TRAF5: variants seen among roughly 807,000 people sequenced by gnomAD.
The protein encoded by TRAF5 is TNF receptor associated factor 5.
In TRAF5, 48 loss-of-function variants were observed where a neutral mutation model predicts 64.5. The observed-to-expected ratio is 0.74, with a 90% CI of 0.59 to 0.95. The LOEUF is 0.95. Among genes scored for constraint, TRAF5 ranks in the 40% least tolerant of loss-of-function variants. TRAF5 has a pLI of 0.00. For missense variants in TRAF5, 545 were observed against 662.8 expected, an observed-to-expected ratio of 0.82 and a Z score of 1.95; for synonymous variants, 206 against 240.5, an observed-to-expected ratio of 0.86 and a Z score of 1.33.
intron 1 of TRAF5, among the ~76,000 whole-genome samples, chr1:211,350,851 A>G (rs1702763570): frequency 6.6e-6 from 1 of 152,080 alleles, no homozygotes; most frequent in Admixed American, 6.5e-5. Flanking sequence ...CTGCTGTATC[A>G]TCACATGGCA....
chr1:211,365,592 C>A, intron 8 of TRAF5, 124 bp downstream of exon 8: 2 of 764,314 alleles, frequency 2.6e-6, no homozygotes, highest in Non-Finnish European at 4.1e-6. Flanking sequence ...AGATGTTTTT[C>A]TATTAAGTGG....
At chr1:211,356,652 G>A (rs1040927824) in intron 4 of TRAF5, 184 bp downstream of exon 4, 5 of 562,196 alleles carry the variant, frequency 8.9e-6, no homozygotes, top group Non-Finnish European at 1.3e-5. Context: ...TGAGGTGTGA[G>A]TGAAGAGGTT....
intron 6 of TRAF5, 61 bp from the exon 7 acceptor site, chr1:211,361,027 G>A (rs1703161257): frequency 6.5e-7 from 1 of 1,550,130 alleles, no homozygotes; most frequent in African/African-American, 1.4e-5. Context: ...TTGGCTCCCT[G>A]ATTGCTGCAG....
At chr1:211,361,311 C>G in intron 7 of TRAF5, 149 bp downstream of exon 7, 1 of 681,016 alleles carries the variant, frequency 1.5e-6, no homozygotes, top group Non-Finnish European at 2.5e-6. Context: ...TCCAGAGAAA[C>G]AGAACCAATG....
In TRAF5 at chr1:211,369,486, A is replaced by T; in HGVS notation, c.824A>T (p.Glu275Val). The T allele has an allele frequency of 6.2e-7, 1 of 1,609,774 alleles. No homozygotes were observed. Among genetic ancestry groups the T allele is most frequent in the Middle Eastern group, 1.7e-4 (1 of 6,050 alleles). Residue 275 changes from glutamate to valine, a missense_variant, in exon 9 of 11, where the codon GAA becomes GTA. Physicochemically the swap from Glu to Val is moderately radical, Grantham distance 121. Coordinates refer to ENST00000261464, the MANE Select transcript of TRAF5 (RefSeq NM_001033910.3). ...SDLHKSLEQK[E>V]SKIQQLAETI... Reference sequence around the variant, plus strand: ...TTACACAAGAGCCTAGAACAGAAAGAAAGTAAAATCCAGCAGCTAGCAGAA... The same window carrying T: ...TTACACAAGAGCCTAGAACAGAAAGTAAGTAAAATCCAGCAGCTAGCAGAA...
At chr1:211,370,787 G>T (rs1703496587) in intron 9 of TRAF5, among the ~76,000 whole-genome samples, 1 of 152,174 alleles carries the variant, frequency 6.6e-6, no homozygotes. Context: ...CATAGGAAAA[G>T]GGAGGAGTAG....
In TRAF5 at chr1:211,361,092, A is replaced by G. The variant is rs540788952; in HGVS notation, c.626A>G (p.Asp209Gly). 5.6e-6 allele frequency: 9 copies of G among 1,614,100 alleles called. No individual in the cohort carries two copies. The highest frequency in any genetic ancestry group is 2.7e-5 in the African/African-American group (2 of 75,050). The change falls in exon 7 of 11, where the codon GAT (aspartate) becomes GGT (glycine). Residue 209 changes from aspartate (D) to glycine (G), a missense_variant. By Grantham distance (94) the Asp-to-Gly change is moderately conservative (BLOSUM62 -1). Transcript: ENST00000261464. ...CAKIILKTEV[D>G]EHLAVCPEAE... is the part of the protein sequence containing the mutation. ...TTGTGACTATCCATTTCGTAGGTAG[A>G]TGAACACCTGGCTGTATGTCCTGAA...
chr1:211,346,390 C>A, intron 1 of TRAF5: 1 of 985,408 alleles, frequency 1.0e-6, no homozygotes, highest in Non-Finnish European at 1.2e-6. Context: ...GATGAGTGGG[C>A]TGTGGGGTGT....
intron 1 of TRAF5, among the ~76,000 whole-genome samples, chr1:211,336,231 T>C (rs1393853050): frequency 6.6e-6 from 1 of 152,198 alleles, no homozygotes; most frequent in Non-Finnish European, 1.5e-5. Flanking sequence ...TAAATGTTGA[T>C]TGCATTGAAT....
chr1:211,340,462 A>G (rs1429990398), intron 1 of TRAF5, among the ~76,000 whole-genome samples: 1 of 152,082 alleles, frequency 6.6e-6, no homozygotes, highest in African/African-American at 2.4e-5. Context: ...TTGTATTTTT[A>G]GTAGAGATGG....
At chr1:211,366,129 C>T (rs886105854) in intron 8 of TRAF5, among the ~76,000 whole-genome samples, 32 of 152,154 alleles carry the variant, frequency 2.1e-4, no homozygotes, top group African/African-American at 6.3e-4. Flanking sequence ...TTTGTTAGAA[C>T]ATCTCAGAAA....
rs757268307 is a variant in TRAF5 at position 211,359,980 on chromosome 1, A to T, written c.447A>T (p.Leu149=). 3.1e-6 allele frequency: 5 copies of T among 1,614,100 alleles called. No homozygotes were observed. In the African/African-American group the frequency reaches 5.3e-5, roughly 17 times the overall value. ...ATGAGAAGTGCCGGGAGCCAGTCCTACGGAAAGACCTGAAAGAGCATTTGA... is the reference window on the plus strand; with the variant it reads ...ATGAGAAGTGCCGGGAGCCAGTCCTTCGGAAAGACCTGAAAGAGCATTTGA... ...CSNEKCREPV[L]RKDLKEHLSA... Residue 149 remains leucine, a synonymous_variant, in exon 5 of 11, where the codon CTA becomes CTT. Coordinates refer to ENST00000261464, the MANE Select transcript of TRAF5 (RefSeq NM_001033910.3).
intron 7 of TRAF5, 57 bp from the exon 8 acceptor site, chr1:211,365,319 C>G: frequency 7.1e-7 from 1 of 1,412,802 alleles, no homozygotes; most frequent in Non-Finnish European, 9.9e-7. Context: ...ATCCTACCAC[C>G]TCTTTCATTT....
intron 1 of TRAF5, among the ~76,000 whole-genome samples, chr1:211,352,971 A>G (rs1162404127): frequency 6.6e-6 from 1 of 152,196 alleles, no homozygotes; most frequent in Non-Finnish European, 1.5e-5. Context: ...AGCACCCTGT[A>G]AAAGACTGAT....
At chr1:211,352,060 G>C (rs1314564167) in intron 1 of TRAF5, among the ~76,000 whole-genome samples, 1 of 152,184 alleles carries the variant, frequency 6.6e-6, no homozygotes, top group Non-Finnish European at 1.5e-5. Context: ...TTCAAGACCA[G>C]GCTGGGCAGC....
chr1:211,340,845 T>G (rs746192889), intron 1 of TRAF5, among the ~76,000 whole-genome samples: 1 of 152,250 alleles, frequency 6.6e-6, no homozygotes, highest in African/African-American at 2.4e-5. Flanking sequence ...CTGGCGGTCT[T>G]CGCAGCCTCC....
Position 211,365,374 on chromosome 1 carries a change from AG to A in TRAF5, c.697del, listed in dbSNP as rs764958363. 4 of 1,612,238 alleles carry A rather than the reference AG, an allele frequency of 2.5e-6. No individual in the cohort carries two copies. The South Asian group carries it at 4.4e-5, about 18-fold the overall frequency. On this transcript the variant is annotated splice_acceptor_variant, in intron 7 of 10. Transcript: ENST00000261464. LOFTEE classifies it high-confidence loss of function. ...TGACTTATTTTTCTCTTCATATTGA[AG>A]GATAAACGGAGGAACCTGCAGCAAC...
chr1:211,345,370 C>T (rs951146804), intron 1 of TRAF5, among the ~76,000 whole-genome samples: 14 of 151,842 alleles, frequency 9.2e-5, no homozygotes, highest in South Asian at 2.1e-4. Flanking sequence ...CTCCCCCCCC[C>T]TCCTTTTTTT....
chr1:211,364,781 C>T (rs919393660), intron 7 of TRAF5, among the ~76,000 whole-genome samples: 5 of 152,124 alleles, frequency 3.3e-5, no homozygotes, highest in Admixed American at 6.5e-5. Context: ...ATAATAACTA[C>T]GCTTAACCCA....
Sources: gnomAD v4.1 joint callset for allele counts (sites outside exome capture counted in the v4.1 genomes callset) on GRCh38, gnomAD v4.1.1 for gene constraint, MANE v1.5 for transcripts, NCBI Gene and HGNC (gene_info 2026-07-23, HGNC 2026-07-21) for gene names.